The following CNTLN variants were observed in gnomAD, a reference collection of about 807,000 sequenced individuals.
The protein encoded by CNTLN is centlein, centrosomal protein.
In CNTLN, 212 loss-of-function variants were observed where a neutral mutation model predicts 180.0. The ratio of observed to expected loss-of-function variants is 1.18; its 90% confidence interval spans 1.05 to 1.32. The LOEUF (loss-of-function observed/expected upper bound fraction) is 1.32. CNTLN is among the 40% of genes most tolerant of loss of function. The pLI, the probability that CNTLN is intolerant of heterozygous loss-of-function variation, is 0.00. For synonymous variants in CNTLN, 722 were observed against 563.1 expected (o/e 1.28, Z -3.99); for missense variants, 2,095 against 1,610.9 (o/e 1.30, Z -5.14).
intron 2 of CNTLN, among the ~76,000 whole-genome samples, chr9:17,176,307 G>T (rs1318195797): frequency 6.6e-6 from 1 of 151,820 alleles, no homozygotes; most frequent in Non-Finnish European, 1.5e-5. Flanking sequence ...TCATGAATGG[G>T]CATTTGATTC....
At chr9:17,227,693 G>A (rs1288838398) in intron 3 of CNTLN, among the ~76,000 whole-genome samples, 3 of 151,760 alleles carry the variant, frequency 2.0e-5, no homozygotes, top group Admixed American at 2.0e-4. Context: ...ATTTCTATCT[G>A]TTCTTTCTAA....
intron 23 of CNTLN, among the ~76,000 whole-genome samples, chr9:17,483,643 G>C (rs1832757007): frequency 6.6e-6 from 1 of 152,172 alleles, no homozygotes; most frequent in African/African-American, 2.4e-5. Flanking sequence ...CCCACACGTA[G>C]GTGTGGTATG....
intron 23 of CNTLN, among the ~76,000 whole-genome samples, chr9:17,474,567 C>T (rs1203879850): frequency 6.6e-6 from 1 of 152,098 alleles, no homozygotes; most frequent in Non-Finnish European, 1.5e-5. Flanking sequence ...GCAGAATGAT[C>T]CTTTTAAAAT....
chr9:17,179,680 C>T (rs961268949), intron 2 of CNTLN, among the ~76,000 whole-genome samples: 13 of 152,078 alleles, frequency 8.5e-5, no homozygotes, highest in African/African-American at 3.1e-4. Context: ...TGATTAGATC[C>T]TATAGGTTGA....
intron 18 of CNTLN, among the ~76,000 whole-genome samples, chr9:17,437,678 G>C (rs1012079649): frequency 1.3e-5 from 2 of 152,146 alleles, no homozygotes; most frequent in African/African-American, 2.4e-5. Flanking sequence ...TTAGTTTAAT[G>C]TACCTAACAC....
chr9:17,264,054 C>T (rs1326063598), intron 5 of CNTLN, among the ~76,000 whole-genome samples: 1 of 145,194 alleles, frequency 6.9e-6, no homozygotes, highest in Non-Finnish European at 1.5e-5. Context: ...TTAATTAGAT[C>T]CCATTTGTCA....
intron 7 of CNTLN, among the ~76,000 whole-genome samples, chr9:17,302,358 C>A (rs619357): frequency 0.2 from 30,646 of 151,930 alleles, 3,756 homozygotes; most frequent in African/African-American, 0.34. Context: ...CCACCACACT[C>A]AGCTAATTTT....
intron 6 of CNTLN, among the ~76,000 whole-genome samples, chr9:17,283,180 G>A (rs1391462527): frequency 2.0e-5 from 3 of 152,158 alleles, no homozygotes; most frequent in African/African-American, 7.2e-5. Flanking sequence ...ACTTTGGGCA[G>A]TGTGGCCATT....
intron 13 of CNTLN, among the ~76,000 whole-genome samples, chr9:17,367,893 G>T (rs961413985): frequency 1.8e-4 from 28 of 151,952 alleles, no homozygotes; most frequent in African/African-American, 6.8e-4. Context: ...GAGATGTGCT[G>T]GATTCAGGTG....
intron 2 of CNTLN, among the ~76,000 whole-genome samples, chr9:17,169,891 A>G (rs151181774): frequency 0.019 from 2,920 of 152,250 alleles, 60 homozygotes; most frequent in African/African-American, 0.05. Flanking sequence ...GATCTTTTGC[A>G]GTTCCATATG....
chr9:17,381,427 T>C (rs1438950415), intron 13 of CNTLN, among the ~76,000 whole-genome samples: 2 of 152,216 alleles, frequency 1.3e-5, no homozygotes, highest in East Asian at 3.8e-4. Context: ...CCTCACTCAG[T>C]ATAAAATTTA....
intron 2 of CNTLN, among the ~76,000 whole-genome samples, chr9:17,185,771 T>TTGTGTGTGTGTGTGTGTGTGTGTGTG (rs371473319): frequency 1.4e-5 from 2 of 143,636 alleles, no homozygotes; most frequent in African/African-American, 5.2e-5. Context: ...TGTTTCCCAT[T>TTGTGTGTGTGTGTGTGTGTGTGTGTG]TGTGTGTGTG....
chr9:17,462,508 G>C (rs756864040), intron 19 of CNTLN, among the ~76,000 whole-genome samples: 1 of 151,798 alleles, frequency 6.6e-6, no homozygotes. Flanking sequence ...GGATTCCCCT[G>C]CTTGATGAGC....
chr9:17,319,250 G>A (rs1047241777), intron 8 of CNTLN, among the ~76,000 whole-genome samples: 5 of 152,172 alleles, frequency 3.3e-5, no homozygotes, highest in African/African-American at 1.2e-4. Context: ...AGTACTTCTT[G>A]TAATCTACAT....
At chr9:17,386,170 A>T (rs1028711442) in intron 13 of CNTLN, among the ~76,000 whole-genome samples, 6 of 151,766 alleles carry the variant, frequency 4.0e-5, no homozygotes, top group Non-Finnish European at 7.4e-5. Flanking sequence ...TAAATTAATT[A>T]AAAAAAAGAA....
At chr9:17,413,244 C>T (rs753859337) in intron 16 of CNTLN, among the ~76,000 whole-genome samples, 111 of 152,182 alleles carry the variant, frequency 7.3e-4, no homozygotes, top group Non-Finnish European at 8.5e-4. Context: ...CTAGACTTTA[C>T]ACTTTATACA....
At chr9:17,338,344 T>G (rs1397007281) in intron 10 of CNTLN, among the ~76,000 whole-genome samples, 2 of 144,464 alleles carry the variant, frequency 1.4e-5, no homozygotes, top group African/African-American at 5.0e-5. Flanking sequence ...TTTGTTTTTT[T>G]TTTTTTTTTT....
intron 25 of CNTLN, among the ~76,000 whole-genome samples, chr9:17,497,004 G>T (rs1012008267): frequency 3.3e-5 from 5 of 152,068 alleles, no homozygotes; most frequent in African/African-American, 1.2e-4. Context: ...GAGAAGGTGG[G>T]GTAAAGTAAT....
At chr9:17,331,837 C>G (rs1820662372) in intron 9 of CNTLN, among the ~76,000 whole-genome samples, 1 of 151,930 alleles carries the variant, frequency 6.6e-6, no homozygotes, top group African/African-American at 2.4e-5. Flanking sequence ...AATTGAAATA[C>G]AGCATTACCG....
Sources: gnomAD v4.1 joint callset for allele counts (sites outside exome capture counted in the v4.1 genomes callset) on GRCh38, gnomAD v4.1.1 for gene constraint, MANE v1.5 for transcripts, NCBI Gene and HGNC (gene_info 2026-07-23, HGNC 2026-07-21) for gene names.